QKI: variants seen among roughly 807,000 people sequenced by gnomAD.
QKI encodes the protein QKI, KH domain containing RNA binding.
QKI carries 10 observed loss-of-function variants against 39.0 expected under a neutral mutation model. The ratio of observed to expected loss-of-function variants is 0.26; its 90% CI spans 0.16 to 0.43. The LOEUF (loss-of-function observed/expected upper bound fraction) is 0.43. Ranked by LOEUF, QKI falls within the 20% of genes least tolerant of loss-of-function variation. The pLI, the probability that QKI is intolerant of heterozygous loss-of-function variation, is 1.00. For synonymous variants in QKI, 204 were observed against 155.4 expected, an observed-to-expected ratio of 1.31 and a Z score of -2.33; for missense variants, 218 against 428.0, an observed-to-expected ratio of 0.51 and a Z score of 4.33.
intron 1 of QKI, among the ~76,000 whole-genome samples, chr6:163,450,584 G>C (rs1790484299): frequency 1.3e-5 from 2 of 152,226 alleles, no homozygotes; most frequent in South Asian, 4.1e-4. Flanking sequence ...ACAGAACTGT[G>C]CAGTGACATC....
intron 1 of QKI, among the ~76,000 whole-genome samples, chr6:163,425,501 T>C (rs560592659): frequency 3.1e-4 from 47 of 152,326 alleles, no homozygotes; most frequent in African/African-American, 1.1e-3. Flanking sequence ...ATGTATACAA[T>C]ATATATGGGT....
At chr6:163,457,266 C>G in intron 2 of QKI, 8 of 452,806 alleles carry the variant, frequency 1.8e-5, no homozygotes, top group South Asian at 1.2e-4. Context: ...AAATCCTATT[C>G]AAGGAAGGGG....
intron 4 of QKI, among the ~76,000 whole-genome samples, chr6:163,551,769 A>G (rs1476059025): frequency 6.6e-6 from 1 of 152,232 alleles, no homozygotes; most frequent in African/African-American, 2.4e-5. Flanking sequence ...GTACTTCATT[A>G]CTGTGATGAA....
At chr6:163,438,015 G>A (rs1336116040) in intron 1 of QKI, among the ~76,000 whole-genome samples, 1 of 152,168 alleles carries the variant, frequency 6.6e-6, no homozygotes, top group Non-Finnish European at 1.5e-5. Context: ...AGGTTTTCTG[G>A]ATTATGTGGT....
chr6:163,455,482 A>T (rs1790849094), intron 2 of QKI, 61 bp downstream of exon 2: 1 of 1,467,172 alleles, frequency 6.8e-7, no homozygotes, highest in African/African-American at 1.4e-5. Context: ...GGGAAGAGAT[A>T]TATTTGGTGG....
At chr6:163,436,479 G>C (rs1408973670) in intron 1 of QKI, among the ~76,000 whole-genome samples, 1 of 152,126 alleles carries the variant, frequency 6.6e-6, no homozygotes, top group Non-Finnish European at 1.5e-5. Context: ...TCTCTATTCA[G>C]GGAACAACTT....
chr6:163,463,892 C>T (rs891611176), intron 2 of QKI, among the ~76,000 whole-genome samples: 1 of 152,150 alleles, frequency 6.6e-6, no homozygotes, highest in Admixed American at 6.5e-5. Context: ...AAGCAATTCA[C>T]TCTTCTGTAA....
At chr6:163,477,164 C>T (rs891134402) in intron 2 of QKI, among the ~76,000 whole-genome samples, 2 of 151,944 alleles carry the variant, frequency 1.3e-5, no homozygotes, top group African/African-American at 4.8e-5. Context: ...TACAAGCATG[C>T]ACCACCAAGC....
intron 3 of QKI, among the ~76,000 whole-genome samples, chr6:163,526,059 T>C (rs769322630): frequency 1.6e-4 from 24 of 152,340 alleles, no homozygotes; most frequent in African/African-American, 5.5e-4. Context: ...CTGAAAGATA[T>C]GGAGATGAGT....
At chr6:163,465,102 A>G (rs915710453) in intron 2 of QKI, among the ~76,000 whole-genome samples, 1 of 152,210 alleles carries the variant, frequency 6.6e-6, no homozygotes, top group African/African-American at 2.4e-5. Context: ...ATCTTAAAAG[A>G]TGCAAAAAAG....
At chr6:163,566,176 ATAG>A (rs1783353114) in intron 6 of QKI, 3 of 1,375,592 alleles carry the variant, frequency 2.2e-6, no homozygotes, top group Non-Finnish European at 9.4e-7. Context: ...AAAGGAGTGT[ATAG>A]TAGTATACTG....
Position 163,456,390 on chromosome 6 carries a change from T to C in QKI, c.285+969T>C, listed in dbSNP as rs184200690. On this transcript the variant is annotated intron_variant, in intron 2 of 7. Coordinates refer to ENST00000361752, the MANE Select transcript of QKI (RefSeq NM_006775.3). The stretch of plus-strand genomic sequence containing the variant: ...TTCACTGCTGTATCCCTCATAATAT[T>C]GGCACATAATAGGTAACAATACTTG... Among the ~76,000 whole-genome samples, 171 of 152,246 alleles carry C rather than the reference T, an allele frequency of 1.1e-3. 1 individual carries two copies. In the East Asian group the frequency reaches 0.024, roughly 22 times the overall value.
At chr6:163,534,172 C>A (rs531263521) in intron 3 of QKI, among the ~76,000 whole-genome samples, 4 of 152,134 alleles carry the variant, frequency 2.6e-5, no homozygotes, top group African/African-American at 9.7e-5. Context: ...TACTTAACCT[C>A]CCTGTAGCTT....
chr6:163,543,936 CG>C (rs1781701876), intron 4 of QKI, among the ~76,000 whole-genome samples: 1 of 152,034 alleles, frequency 6.6e-6, no homozygotes, highest in Non-Finnish European at 1.5e-5. Flanking sequence ...CTTTAACAAA[CG>C]TTAACCAGAT....
chr6:163,543,482 G>C (rs1458839278), intron 4 of QKI, among the ~76,000 whole-genome samples: 1 of 152,058 alleles, frequency 6.6e-6, no homozygotes, highest in Non-Finnish European at 1.5e-5. Context: ...CAGAGTGTCA[G>C]AGCAGAATTA....
intron 1 of QKI, among the ~76,000 whole-genome samples, chr6:163,422,431 G>A (rs1028877622): frequency 2.0e-5 from 3 of 152,008 alleles, no homozygotes; most frequent in Admixed American, 6.6e-5. Flanking sequence ...TTGAAGTATC[G>A]GAAAGAACAT....
intron 3 of QKI, among the ~76,000 whole-genome samples, chr6:163,510,254 A>AATAATC (rs1779366232): frequency 8.1e-6 from 1 of 124,046 alleles, no homozygotes; most frequent in Non-Finnish European, 1.8e-5. Flanking sequence ...TAATAATAAT[A>AATAATC]ATAATAAGTA....
intron 4 of QKI, among the ~76,000 whole-genome samples, chr6:163,550,918 G>A (rs1782192914): frequency 6.8e-6 from 1 of 146,634 alleles, no homozygotes; most frequent in Non-Finnish European, 1.5e-5. Flanking sequence ...CTGCACTTCT[G>A]CCTGGGCGAC....
chr6:163,453,168 T>C (rs964444404), intron 1 of QKI, among the ~76,000 whole-genome samples: 2 of 151,978 alleles, frequency 1.3e-5, no homozygotes, highest in African/African-American at 2.4e-5. Context: ...AGATTTATTA[T>C]ATTACTATGG....
Sources: allele counts gnomAD v4.1 joint callset (sites outside exome capture counted in the v4.1 genomes callset), GRCh38; gene constraint gnomAD v4.1.1; transcripts MANE v1.5; gene names NCBI Gene and HGNC (gene_info 2026-07-23, HGNC 2026-07-21).